The following MAML3 variants were observed in gnomAD, a reference collection of about 807,000 sequenced individuals.
The protein encoded by MAML3 is mastermind-like protein 3.
Under a neutral mutation model 101.9 loss-of-function variants are expected in MAML3, and 27 were observed. The observed-to-expected ratio is 0.27, with a 90% CI of 0.20 to 0.37. The LOEUF is 0.37. MAML3 is among the 10% of genes least tolerant of loss of function. The pLI, the probability that MAML3 is intolerant of heterozygous loss-of-function variation, is 1.00. For missense variants in MAML3, 1,316 were observed against 1,444.9 expected (o/e 0.91, Z 1.45); for synonymous variants, 501 against 555.9 (o/e 0.90, Z 1.39).
chr4:139,925,526 G>A (rs544245466), intron 1 of MAML3, among the ~76,000 whole-genome samples: 1 of 151,284 alleles, frequency 6.6e-6, no homozygotes, highest in South Asian at 2.1e-4. Context: ...CACTGGATCC[G>A]GCCCCAGTCC....
chr4:140,095,874 C>T (rs534656473), intron 1 of MAML3, among the ~76,000 whole-genome samples: 7 of 152,282 alleles, frequency 4.6e-5, no homozygotes, highest in African/African-American at 1.7e-4. Context: ...TTCACGGACT[C>T]CCCACCTCCA....
rs757032258 is a variant in MAML3, at chr4:140,142,515, T to G, written c.468+10345A>C. Among the ~76,000 whole-genome samples, 11 of 152,238 alleles carry G rather than the reference T, an allele frequency of 7.2e-5. 1 individual carries two copies. Among genetic ancestry groups the G allele is most frequent in the Non-Finnish European group, 1.3e-4 (9 of 68,044 alleles). On this transcript the variant is annotated intron_variant, in intron 1 of 4. Coordinates refer to ENST00000509479, the MANE Select transcript of MAML3 (RefSeq NM_018717.5). ...AAATGAACAACTTTTGCTGGGACAGTTCTACTCAGCAAAGCAGCCTATTTC... is the reference window on the plus strand; with the variant it reads ...AAATGAACAACTTTTGCTGGGACAGGTCTACTCAGCAAAGCAGCCTATTTC...
chr4:139,810,579 T>C (rs533726406), intron 2 of MAML3, among the ~76,000 whole-genome samples: 1 of 152,330 alleles, frequency 6.6e-6, no homozygotes, highest in South Asian at 2.1e-4. Flanking sequence ...CAGAGGGATC[T>C]GTGAGTGATC....
chr4:139,737,025 TCCAGGACGGA>T (rs1361132507), intron 2 of MAML3, among the ~76,000 whole-genome samples: 1 of 152,192 alleles, frequency 6.6e-6, no homozygotes, highest in Non-Finnish European at 1.5e-5. Context: ...AGCCAATTCT[TCCAGGACGGA>T]CTACTCCAGT....
intron 2 of MAML3, among the ~76,000 whole-genome samples, chr4:139,805,189 C>G: frequency 6.6e-6 from 1 of 152,012 alleles, no homozygotes; most frequent in East Asian, 1.9e-4. Flanking sequence ...CGTCTCAAAA[C>G]AACAACAACA....
chr4:140,115,765 C>T (rs1202644215), intron 1 of MAML3, among the ~76,000 whole-genome samples: 3 of 152,116 alleles, frequency 2.0e-5, no homozygotes, highest in African/African-American at 7.2e-5. Flanking sequence ...AAAATCTTAC[C>T]ATTAGATGAA....
rs1726788594 is a variant in MAML3 at position 140,024,511 on chromosome 4, T to A, written c.468+128349A>T. On this transcript the variant is annotated intron_variant, in intron 1 of 4. Transcript: ENST00000509479. ...CCCAAAGTGCTGGATTACAAGCGTG[T>A]GCTGGGATTACAGGCGTGTGCTGGG... Among the ~76,000 whole-genome samples, 10 of 152,184 alleles carry A rather than the reference T, an allele frequency of 6.6e-5. No homozygotes were observed. The South Asian group carries it at 2.1e-3, about 32-fold the overall frequency.
At chr4:139,939,060 T>C (rs935652880) in intron 1 of MAML3, among the ~76,000 whole-genome samples, 1 of 152,228 alleles carries the variant, frequency 6.6e-6, no homozygotes, top group African/African-American at 2.4e-5. Context: ...TTTATTTCTT[T>C]CCTTTCGGGA....
chr4:140,075,455 A>C (rs993904229), intron 1 of MAML3, among the ~76,000 whole-genome samples: 2 of 152,250 alleles, frequency 1.3e-5, no homozygotes, highest in African/African-American at 4.8e-5. Context: ...AATTTTCCTC[A>C]TAGAGCGTTA....
chr4:139,920,014 C>T (rs1733094471), intron 1 of MAML3, among the ~76,000 whole-genome samples: 1 of 152,188 alleles, frequency 6.6e-6, no homozygotes, highest in Non-Finnish European at 1.5e-5. Flanking sequence ...TGTTTCTCAG[C>T]ACTATTTGTA....
intron 1 of MAML3, among the ~76,000 whole-genome samples, chr4:140,075,710 AT>A (rs1203685378): frequency 2.0e-5 from 3 of 147,750 alleles, no homozygotes; most frequent in South Asian, 2.2e-4. Context: ...CCAATTTCAA[AT>A]TTTTTTTGTA....
At chr4:139,867,430 G>A (rs1731916784) in intron 2 of MAML3, among the ~76,000 whole-genome samples, 1 of 152,208 alleles carries the variant, frequency 6.6e-6, no homozygotes, top group Non-Finnish European at 1.5e-5. Context: ...ACCAGCTTTG[G>A]TAAGCAGAAA....
At chr4:139,930,587 T>C (rs1239404664) in intron 1 of MAML3, among the ~76,000 whole-genome samples, 1 of 152,108 alleles carries the variant, frequency 6.6e-6, no homozygotes, top group Non-Finnish European at 1.5e-5. Context: ...TGAAACACAG[T>C]AGCAAGGAAT....
intron 1 of MAML3, among the ~76,000 whole-genome samples, chr4:139,966,836 C>A (rs1261233505): frequency 1.3e-5 from 2 of 152,140 alleles, no homozygotes; most frequent in Admixed American, 1.3e-4. Context: ...CAACACTGGA[C>A]CTTCTTGAAT....
chr4:139,761,385 G>T lies in MAML3; in HGVS notation c.2080-30718C>A, dbSNP rs1052895891. Among the ~76,000 whole-genome samples the T allele has an allele frequency of 7.7e-5, 11 of 142,584 alleles. No homozygotes were observed. The East Asian group carries it at 1.2e-3, about 15-fold the overall frequency. 93.5% of individuals were successfully genotyped at this position (142,584 alleles called of 152,430 possible). A position where few individuals can be genotyped will look rare whatever the true frequency, so the allele number is the denominator to read the frequency against. ...CACTGCAAGTGATCAAAGAGAGTCT[G>T]GAGGGGGCGTTAGGGGAATTGGAGA... On this transcript the variant is annotated intron_variant, in intron 2 of 4. Coordinates refer to ENST00000509479, the MANE Select transcript of MAML3 (RefSeq NM_018717.5).
intron 1 of MAML3, among the ~76,000 whole-genome samples, chr4:139,996,686 C>CAT (rs59834103): frequency 0.079 from 11,860 of 150,394 alleles, 700 homozygotes; most frequent in South Asian, 0.19. Context: ...ATAGTTGTAT[C>CAT]GTGTGTGTGT....
At chr4:140,053,332 G>A (rs1032182886) in intron 1 of MAML3, among the ~76,000 whole-genome samples, 6 of 152,116 alleles carry the variant, frequency 3.9e-5, no homozygotes, top group Non-Finnish European at 8.8e-5. Context: ...CACTGACTCA[G>A]CATGCCCCTC....
At chr4:139,750,924 G>C (rs1384334181) in intron 2 of MAML3, among the ~76,000 whole-genome samples, 1 of 152,150 alleles carries the variant, frequency 6.6e-6, no homozygotes, top group Non-Finnish European at 1.5e-5. Flanking sequence ...TTGAAAATAA[G>C]CAATCTTTTA....
intron 1 of MAML3, among the ~76,000 whole-genome samples, chr4:140,003,434 C>T (rs145192623): frequency 1.9e-4 from 29 of 152,174 alleles, no homozygotes; most frequent in Non-Finnish European, 3.7e-4. Flanking sequence ...GGGTAATAGG[C>T]TAGGGGACAG....
Sources: gnomAD v4.1 joint callset for allele counts (sites outside exome capture counted in the v4.1 genomes callset) on GRCh38, gnomAD v4.1.1 for gene constraint, MANE v1.5 for transcripts, NCBI Gene and HGNC (gene_info 2026-07-23, HGNC 2026-07-21) for gene names.